Variants in TENM2 observed in about 807,000 individuals in gnomAD.
The protein encoded by TENM2 is teneurin-2.
A neutral mutation model predicts 245.2 loss-of-function variants in TENM2; 52 were observed. The ratio of observed to expected loss-of-function variants is 0.21; its 90% CI spans 0.17 to 0.27. The LOEUF is 0.27. Among genes scored for constraint, TENM2 ranks in the 10% least tolerant of loss-of-function variants. The probability of loss-of-function intolerance (pLI) is 1.00; values close to 1 mark genes in which losing one functional copy is unlikely to be tolerated. For synonymous variants in TENM2, 1,363 were observed against 1,438.9 expected (o/e 0.95, Z 1.19); for missense variants, 3,046 against 3,666.8 (o/e 0.83, Z 4.37).
At chr5:167,280,689 A>G (rs1770990835), upstream of TENM2, among the ~76,000 whole-genome samples, 1 of 151,862 alleles carries the variant, frequency 6.6e-6, no homozygotes, top group African/African-American at 2.4e-5. Flanking sequence ...GTCTGTGCCC[A>G]TTGAGATCTC....
At chr5:167,987,586 C>G (rs1580975953) in intron 4 of TENM2, among the ~76,000 whole-genome samples, 1 of 151,884 alleles carries the variant, frequency 6.6e-6, no homozygotes, top group Non-Finnish European at 1.5e-5. Context: ...CTCCCAAAGT[C>G]CTGGGATTAC....
intron 2 of TENM2, among the ~76,000 whole-genome samples, chr5:167,566,972 A>G (rs963410282): frequency 2.6e-5 from 4 of 152,240 alleles, no homozygotes; most frequent in Non-Finnish European, 5.9e-5. Flanking sequence ...AAAATGCCAG[A>G]ACATGTTAAT....
chr5:168,036,644 ATAT>A lies in TENM2; in HGVS notation c.1187-10782_1187-10780del, dbSNP rs1259593498. On this transcript the variant is annotated intron_variant, in intron 5 of 28. Transcript: ENST00000518659. Reference sequence around the variant, plus strand: ...AGAGCGAAACTCCATCAAAAAAAAAATATATATATATATATATATAATATATGT... The same window carrying A: ...AGAGCGAAACTCCATCAAAAAAAAAAATATATATATATATATAATATATGT... Among the ~76,000 whole-genome samples, 819 of 109,708 alleles carry A rather than the reference ATAT, an allele frequency of 7.5e-3. 27 individuals carry two copies. Among genetic ancestry groups the A allele is most frequent in the African/African-American group, 0.031 (740 of 23,664 alleles). 72.0% of individuals were successfully genotyped at this position (109,708 alleles called of 152,430 possible). A position where few individuals can be genotyped will look rare whatever the true frequency, so the allele number is the denominator to read the frequency against.
the TENM2 span, among the ~76,000 whole-genome samples, chr5:167,270,379 G>A: frequency 3.3e-5 from 5 of 152,172 alleles, no homozygotes; most frequent in South Asian, 2.1e-4. Context: ...GGTAAAGTCC[G>A]TCACTAATTG....
At chr5:167,750,699 T>C (rs1468513237) in intron 2 of TENM2, among the ~76,000 whole-genome samples, 1 of 152,130 alleles carries the variant, frequency 6.6e-6, no homozygotes, top group Non-Finnish European at 1.5e-5. Flanking sequence ...GATGTACACA[T>C]TCCAGCCTGG....
At chr5:167,451,927 G>C (rs1279054949) in intron 2 of TENM2, among the ~76,000 whole-genome samples, 2 of 152,242 alleles carry the variant, frequency 1.3e-5, no homozygotes, top group Admixed American at 1.3e-4. Flanking sequence ...GGGATTACAG[G>C]CATGAGCCAC....
chr5:167,353,660 A>G (rs1410276566), intron 1 of TENM2, among the ~76,000 whole-genome samples: 1 of 151,150 alleles, frequency 6.6e-6, no homozygotes, highest in African/African-American at 2.4e-5. Flanking sequence ...GGCGCCCGCC[A>G]CTACGCCCGG....
chr5:168,125,150 G>T, intron 11 of TENM2, 100 bp downstream of exon 13: 1 of 990,846 alleles, frequency 1.0e-6, no homozygotes, highest in Non-Finnish European at 1.5e-6. Context: ...ACTTAGCTGG[G>T]GATAAGGGGA....
At chr5:167,765,129 G>A (rs1387990686) in intron 2 of TENM2, among the ~76,000 whole-genome samples, 1 of 152,154 alleles carries the variant, frequency 6.6e-6, no homozygotes, top group Non-Finnish European at 1.5e-5. Flanking sequence ...AGGTCTGGGT[G>A]TCACTATGCT....
chr5:168,201,380 A>G (rs1034719698), intron 17 of TENM2, among the ~76,000 whole-genome samples: 1 of 152,068 alleles, frequency 6.6e-6, no homozygotes, highest in African/African-American at 2.4e-5. Context: ...AGCTAATACC[A>G]AAATGACAGC....
chr5:168,247,817 C>A lies in TENM2; in HGVS notation c.6878C>A (p.Ala2293Asp), dbSNP rs1207012807. ...CTCCTAACAAGAGCCTACAACAAGGCCAGCGGGTGGAGTGTCCAGTACCGC... is the reference window on the plus strand; with the variant it reads ...CTCCTAACAAGAGCCTACAACAAGGACAGCGGGTGGAGTGTCCAGTACCGC... Residue 2293 changes from alanine to aspartate, a missense_variant, in exon 27 of 29, where the codon GCC (alanine) becomes GAC (aspartate). Around this residue, in one of 2 missense-constraint regions of TENM2, gnomAD observed 2,704 missense variants for 3,331.9 expected, o/e 0.81. Transcript: ENST00000518659. This position sits in a 1 kb window ranked among gnomAD's most constrained non-coding sequence, Gnocchi z 7.8. 6.2e-7 allele frequency: 1 copy of A among 1,613,988 alleles called. No homozygotes were observed. The highest frequency in any genetic ancestry group is 1.3e-5 in the African/African-American group (1 of 75,048).
intron 2 of TENM2, among the ~76,000 whole-genome samples, chr5:167,489,969 A>G (rs1768325320): frequency 1.3e-5 from 2 of 152,168 alleles, no homozygotes; most frequent in Admixed American, 6.5e-5. Flanking sequence ...TCAATTATTA[A>G]CTAATATAAA....
intron 2 of TENM2, among the ~76,000 whole-genome samples, chr5:167,406,118 G>C (rs1219972375): frequency 1.3e-5 from 2 of 152,082 alleles, no homozygotes; most frequent in African/African-American, 2.4e-5. Flanking sequence ...AAGTAGAAAT[G>C]CTACCCCTAA....
chr5:167,707,424 T>G (rs1758610762), intron 2 of TENM2, among the ~76,000 whole-genome samples: 1 of 152,224 alleles, frequency 6.6e-6, no homozygotes, highest in Non-Finnish European at 1.5e-5. Context: ...TAGTCTGATA[T>G]AATTTGACTT....
intron 3 of TENM2, among the ~76,000 whole-genome samples, chr5:167,894,019 A>G (rs754721457): frequency 6.6e-6 from 1 of 152,226 alleles, no homozygotes; most frequent in South Asian, 2.1e-4. Context: ...ATAGCAAGGT[A>G]GTCCAATGCG....
At chr5:167,992,574 A>G (rs925281790) in intron 4 of TENM2, among the ~76,000 whole-genome samples, 5 of 152,226 alleles carry the variant, frequency 3.3e-5, no homozygotes, top group African/African-American at 1.2e-4. Flanking sequence ...CTGCACATGT[A>G]CCATGAACCC....
intron 13 of TENM2, among the ~76,000 whole-genome samples, chr5:168,175,583 T>A (rs1257054589): frequency 3.9e-5 from 6 of 152,228 alleles, no homozygotes; most frequent in Non-Finnish European, 8.8e-5. Context: ...GAGGTTAACT[T>A]GCCCAGAGTC....
At chr5:168,080,875 T>C (rs1035173616) in intron 7 of TENM2, among the ~76,000 whole-genome samples, 3 of 152,180 alleles carry the variant, frequency 2.0e-5, no homozygotes, top group East Asian at 1.9e-4. Flanking sequence ...TTGGAATAAG[T>C]GTGATGTGAT....
chr5:167,940,646 G>A (rs998858414), intron 3 of TENM2, among the ~76,000 whole-genome samples: 4 of 152,212 alleles, frequency 2.6e-5, no homozygotes, highest in Non-Finnish European at 4.4e-5. Flanking sequence ...GCAGAGGCCA[G>A]TAAGGATCCA....
Sources: allele counts gnomAD v4.1 joint callset (sites outside exome capture counted in the v4.1 genomes callset), GRCh38; gene constraint gnomAD v4.1.1; regional missense constraint gnomAD v4.1.1; non-coding constraint Gnocchi (gnomAD v3.1); transcripts MANE v1.5; gene names NCBI Gene and HGNC (gene_info 2026-07-23, HGNC 2026-07-21).